The following TEK variants were observed in gnomAD, a reference collection of about 807,000 sequenced individuals.
TEK encodes the protein angiopoietin-1 receptor.
A neutral mutation model predicts 131.8 loss-of-function variants in TEK; 43 were observed. The ratio of observed to expected loss-of-function variants is 0.33; its 90% CI spans 0.26 to 0.42. The LOEUF is 0.42. TEK is among the 10% of genes least tolerant of loss of function. The pLI is 1.00. For synonymous variants in TEK, 580 were observed against 491.6 expected (o/e 1.18, Z -2.38); for missense variants, 1,162 against 1,384.4 (o/e 0.84, Z 2.55).
At chr9:27,220,444 T>C (rs1265379038) in intron 21 of TEK, among the ~76,000 whole-genome samples, 1 of 151,548 alleles carries the variant, frequency 6.6e-6, no homozygotes, top group Non-Finnish European at 1.5e-5. Flanking sequence ...CATACAACAC[T>C]ATCCTTGGGG....
At chr9:27,152,005 G>A (rs950421547) in intron 1 of TEK, among the ~76,000 whole-genome samples, 1 of 152,204 alleles carries the variant, frequency 6.6e-6, no homozygotes, top group African/African-American at 2.4e-5. Flanking sequence ...GACCTTTTCA[G>A]TTCATTGCCA....
chr9:27,186,647 C>T (rs932224539), intron 9 of TEK, among the ~76,000 whole-genome samples: 1 of 152,182 alleles, frequency 6.6e-6, no homozygotes, highest in Non-Finnish European at 1.5e-5. Flanking sequence ...TGACTCCAAA[C>T]CCAGCACTAT....
At chr9:27,203,492 CT>C (rs5897222) in intron 13 of TEK, among the ~76,000 whole-genome samples, 31,334 of 152,110 alleles carry the variant, frequency 0.21, 3,728 homozygotes, top group Non-Finnish European at 0.27. Flanking sequence ...TCAAACACTC[CT>C]TTTTTTAGCT....
At chr9:27,219,195 A>C (rs1249884378) in intron 20 of TEK, among the ~76,000 whole-genome samples, 3 of 152,204 alleles carry the variant, frequency 2.0e-5, no homozygotes, top group Non-Finnish European at 2.9e-5. Flanking sequence ...AGTTTTATCA[A>C]TATTGCATAT....
chr9:27,158,093 A>T lies in TEK; in HGVS notation c.315A>T (p.Arg105=). The T allele has an allele frequency of 1.9e-6, 3 of 1,614,176 alleles. No homozygotes were observed. The highest frequency in any genetic ancestry group is 2.5e-6 in the Non-Finnish European group (3 of 1,180,018). ...ATGGTGCTTATTTCTGTGAAGGGCG[A>T]GTTCGAGGAGAGGCAATCAGGATAC... The part of the protein sequence containing the change: ...KINGAYFCEG[R]VRGEAIRIRT... The change falls in exon 2 of 23, where the codon CGA becomes CGT. Residue 105 remains arginine (R), a synonymous_variant. Transcript: ENST00000380036.
At chr9:27,216,904 C>T (rs1825837937) in intron 18 of TEK, among the ~76,000 whole-genome samples, 1 of 152,124 alleles carries the variant, frequency 6.6e-6, no homozygotes, top group African/African-American at 2.4e-5. Flanking sequence ...CAATGACCAA[C>T]CCTATGATTC....
intron 2 of TEK, among the ~76,000 whole-genome samples, chr9:27,164,706 A>AT (rs1158135526): frequency 9.9e-5 from 15 of 151,794 alleles, no homozygotes; most frequent in African/African-American, 2.2e-4. Context: ...ATTTTTAAAT[A>AT]TTTTTTTTGT....
At chr9:27,154,135 T>TTC (rs1036906777) in intron 1 of TEK, among the ~76,000 whole-genome samples, 1 of 152,190 alleles carries the variant, frequency 6.6e-6, no homozygotes, top group East Asian at 1.9e-4. Flanking sequence ...TGCCATTTTT[T>TTC]TCTCTCTCTC....
At chr9:27,201,971 T>C (rs1825227415) in intron 12 of TEK, among the ~76,000 whole-genome samples, 1 of 152,212 alleles carries the variant, frequency 6.6e-6, no homozygotes, top group Admixed American at 6.5e-5. Flanking sequence ...GCCTCATAAA[T>C]GTAAGGTACA....
At chr9:27,156,247 A>G (rs539013980) in intron 1 of TEK, among the ~76,000 whole-genome samples, 7 of 152,152 alleles carry the variant, frequency 4.6e-5, no homozygotes, top group Non-Finnish European at 7.4e-5. Flanking sequence ...TAAGTCCTCT[A>G]TATGTTGAGA....
chr9:27,201,220 T>G (rs1825201220), intron 12 of TEK, among the ~76,000 whole-genome samples: 1 of 142,936 alleles, frequency 7.0e-6, no homozygotes, highest in African/African-American at 2.5e-5. Context: ...TCCCTAAGAA[T>G]GACTCCTTTC....
rs186009748 is a variant in TEK at position 27,135,570 on chromosome 9, T to A, written c.53-22261T>A. Among the ~76,000 whole-genome samples, 774 of 152,210 alleles carry A rather than the reference T, an allele frequency of 5.1e-3. 12 individuals carry two copies. Among genetic ancestry groups the A allele is most frequent in the Non-Finnish European group, 5.4e-3 (369 of 68,002 alleles). ...ACAGCCTCCATAAAATTTACGAAAA[T>A]TTTTTTTCGTATGTATGTATACATT... On this transcript the variant is annotated intron_variant, in intron 1 of 22. Transcript: ENST00000380036.
chr9:27,214,539 C>G (rs756269273), intron 18 of TEK, among the ~76,000 whole-genome samples: 5 of 152,194 alleles, frequency 3.3e-5, no homozygotes, highest in Non-Finnish European at 7.3e-5. Context: ...CAATTCCAGG[C>G]TTCTTTTTTT....
intron 1 of TEK, among the ~76,000 whole-genome samples, chr9:27,156,047 C>T (rs1823320195): frequency 6.6e-6 from 1 of 152,146 alleles, no homozygotes; most frequent in Non-Finnish European, 1.5e-5. Flanking sequence ...AGGTGATCCC[C>T]CTGCCTCGGC....
chr9:27,167,820 T>G (rs998183687), intron 2 of TEK, among the ~76,000 whole-genome samples: 3 of 152,168 alleles, frequency 2.0e-5, no homozygotes, highest in African/African-American at 7.2e-5. Flanking sequence ...TTGGTAAATT[T>G]TTTTTCTCTT....
chr9:27,219,974 T>G, intron 20 of TEK, 75 bp from the exon 21 acceptor site: 3 of 1,495,556 alleles, frequency 2.0e-6, no homozygotes, highest in South Asian at 1.1e-5. Flanking sequence ...TGGCCCCTTA[T>G]ATTTAGAAAC....
intron 1 of TEK, among the ~76,000 whole-genome samples, chr9:27,136,985 G>A (rs1339585831): frequency 2.6e-5 from 4 of 152,004 alleles, no homozygotes; most frequent in Non-Finnish European, 5.9e-5. Flanking sequence ...GCGCAGTCTC[G>A]GCTCACTGCA....
At chr9:27,211,429 A>G (rs1271808698) in intron 16 of TEK, among the ~76,000 whole-genome samples, 1 of 135,734 alleles carries the variant, frequency 7.4e-6, no homozygotes, top group East Asian at 2.2e-4. Flanking sequence ...AAGATCTTTC[A>G]AGCTTTTTTT....
At chr9:27,138,811 G>C (rs1822604323) in intron 1 of TEK, among the ~76,000 whole-genome samples, 1 of 152,132 alleles carries the variant, frequency 6.6e-6, no homozygotes, top group Non-Finnish European at 1.5e-5. Flanking sequence ...TACAGGAATT[G>C]AGTATGTGTG....
Sources: gnomAD v4.1 joint callset for allele counts (sites outside exome capture counted in the v4.1 genomes callset) on GRCh38, gnomAD v4.1.1 for gene constraint, MANE v1.5 for transcripts, NCBI Gene and HGNC (gene_info 2026-07-23, HGNC 2026-07-21) for gene names.